The following NEXMIF variants were observed in gnomAD, a reference collection of about 807,000 sequenced individuals.
The protein encoded by NEXMIF is neurite extension and migration factor.
Under a neutral mutation model 62.1 loss-of-function variants are expected in NEXMIF, and 8 were observed. The observed-to-expected ratio is 0.13, with a 90% CI of 0.08 to 0.23. The LOEUF is 0.23. Among genes scored for constraint, NEXMIF ranks in the 10% least tolerant of loss-of-function variants. NEXMIF has a pLI of 1.00. For synonymous variants in NEXMIF, 404 were observed against 416.6 expected, an observed-to-expected ratio of 0.97 and a Z score of 0.37; for missense variants, 976 against 1,113.3, an observed-to-expected ratio of 0.88 and a Z score of 1.75.
Position 74,751,335 on chromosome X carries a change from A to G in NEXMIF, c.-47-5638T>C, listed in dbSNP as rs370954225. 5.4e-4 allele frequency among the ~76,000 whole-genome samples: 60 copies of G among 112,145 alleles called. 3 individuals are homozygous for G. The East Asian group carries it at 8.2e-3, about 15-fold the overall frequency. ...GATCATTAGCTAGGTGTCCTCAGACAAGCTCCCTCCCTTCTCTGGTACTTA... is the reference window on the plus strand; with the variant it reads ...GATCATTAGCTAGGTGTCCTCAGACGAGCTCCCTCCCTTCTCTGGTACTTA... On this transcript the variant is annotated intron_variant, in intron 1 of 3. Transcript: ENST00000055682.
intron 1 of NEXMIF, among the ~76,000 whole-genome samples, chrX:74,901,181 A>G (rs1199747623): frequency 8.9e-6 from 1 of 112,227 alleles, no homozygotes; most frequent in Admixed American, 9.5e-5. Flanking sequence ...ACCACAATAA[A>G]AATAGTAAAA....
At chrX:74,744,599 T>C in intron 2 of NEXMIF, 122 bp from the exon 3 acceptor site, 5 of 418,750 alleles carry the variant, frequency 1.2e-5, no homozygotes, top group Non-Finnish European at 2.0e-5. Flanking sequence ...AGCCTTCACA[T>C]CTCTATCTTT....
chrX:74,855,427 G>C (rs1371690754), intron 1 of NEXMIF, among the ~76,000 whole-genome samples: 1 of 112,123 alleles, frequency 8.9e-6, no homozygotes, highest in Non-Finnish European at 1.9e-5. Context: ...AGTGGCAATT[G>C]TGTATTATCA....
chrX:74,767,407 A>T lies in NEXMIF; in HGVS notation c.-47-21710T>A, dbSNP rs1474212650. ...TCTGGGAGCTCCATCCCAGGTAGGT[A>T]TGGACTTGTTGCTGGCCTGAACACA... On this transcript the variant is annotated intron_variant, in intron 1 of 3. Coordinates refer to ENST00000055682, the MANE Select transcript of NEXMIF (RefSeq NM_001008537.3). Among the ~76,000 whole-genome samples, 7 of 109,742 alleles carry T rather than the reference A, an allele frequency of 6.4e-5. No individual in the cohort carries two copies. The Admixed American group carries it at 6.7e-4, about 11-fold the overall frequency.
chrX:74,839,063 T>C (rs1446026188), intron 1 of NEXMIF, among the ~76,000 whole-genome samples: 1 of 111,907 alleles, frequency 8.9e-6, no homozygotes, highest in Admixed American at 9.5e-5. Flanking sequence ...ATGCATCCCC[T>C]ACCTTGTGAT....
chrX:74,757,294 GT>G, intron 1 of NEXMIF, among the ~76,000 whole-genome samples: 1 of 112,090 alleles, frequency 8.9e-6, no homozygotes, highest in Non-Finnish European at 1.9e-5. Context: ...AGACAGCACT[GT>G]TATTCTTGTT....
chrX:74,884,422 A>G (rs2080681438), intron 1 of NEXMIF, among the ~76,000 whole-genome samples: 1 of 111,698 alleles, frequency 9.0e-6, no homozygotes, highest in Non-Finnish European at 1.9e-5. Context: ...AGAGACACAC[A>G]TAGGCTCAAA....
intron 1 of NEXMIF, among the ~76,000 whole-genome samples, chrX:74,878,124 C>G (rs1289637245): frequency 1.8e-5 from 2 of 111,199 alleles, no homozygotes; most frequent in East Asian, 5.7e-4. Context: ...GTGGTTTTAT[C>G]TACTTTTGGT....
Position 74,866,071 on chromosome X carries a change from G to A in NEXMIF, c.-48+58812C>T, listed in dbSNP as rs185199148. 4.3e-3 allele frequency among the ~76,000 whole-genome samples: 481 copies of A among 111,401 alleles called. 3 individuals carry two copies. The highest frequency in any genetic ancestry group is 6.9e-3 in the Non-Finnish European group (367 of 53,077). On this transcript the variant is annotated intron_variant, in intron 1 of 3. Coordinates refer to ENST00000055682, the MANE Select transcript of NEXMIF (RefSeq NM_001008537.3). Reference sequence around the variant, plus strand: ...CAGAACCCAGAATGGTAGATCTGCCGACAGCTTGCACCATGTTCCCGGAAA... The same window carrying A: ...CAGAACCCAGAATGGTAGATCTGCCAACAGCTTGCACCATGTTCCCGGAAA...
At chrX:74,847,846 T>A (rs1226460754) in intron 1 of NEXMIF, among the ~76,000 whole-genome samples, 1 of 111,326 alleles carries the variant, frequency 9.0e-6, no homozygotes, top group African/African-American at 3.3e-5. Flanking sequence ...TTTGAGTACA[T>A]ACTATGTCAG....
At chrX:74,918,196 T>C (rs2080814379) in intron 1 of NEXMIF, among the ~76,000 whole-genome samples, 1 of 111,931 alleles carries the variant, frequency 8.9e-6, no homozygotes, top group Admixed American at 9.5e-5. Flanking sequence ...CTGGACTTCC[T>C]GAAAATGTAT....
chrX:74,876,102 T>C (rs1185063586), intron 1 of NEXMIF, among the ~76,000 whole-genome samples: 7 of 111,736 alleles, frequency 6.3e-5, no homozygotes, highest in Non-Finnish European at 1.3e-4. Flanking sequence ...ATTTTGGATC[T>C]TTCCTGCTTT....
At chrX:74,803,273 T>C (rs1056637322) in intron 1 of NEXMIF, among the ~76,000 whole-genome samples, 2 of 111,860 alleles carry the variant, frequency 1.8e-5, no homozygotes. Context: ...ATAATCAAAC[T>C]GTGGGCCGGG....
At chrX:74,794,661 C>T (rs1056482208) in intron 1 of NEXMIF, among the ~76,000 whole-genome samples, 4 of 112,057 alleles carry the variant, frequency 3.6e-5, no homozygotes, top group Non-Finnish European at 7.5e-5. Context: ...AAGCCAGGTG[C>T]GGGATATAAT....
intron 1 of NEXMIF, among the ~76,000 whole-genome samples, chrX:74,880,149 C>T (rs2080657019): frequency 1.8e-5 from 2 of 112,081 alleles, no homozygotes; most frequent in Non-Finnish European, 3.8e-5. Context: ...ATGTAAGTCA[C>T]TCTATAATTA....
At chrX:74,834,229 CTCTT>C (rs2080448730) in intron 1 of NEXMIF, among the ~76,000 whole-genome samples, 1 of 109,509 alleles carries the variant, frequency 9.1e-6, no homozygotes, top group African/African-American at 3.3e-5. Context: ...TTTGTTGTTT[CTCTT>C]TGTGTCTTGT....
At chrX:74,802,731 A>G (rs1445564344) in intron 1 of NEXMIF, among the ~76,000 whole-genome samples, 1 of 111,324 alleles carries the variant, frequency 9.0e-6, no homozygotes, top group Non-Finnish European at 1.9e-5. Context: ...CCGGGGACCA[A>G]TGCTGGAGCA....
intron 1 of NEXMIF, among the ~76,000 whole-genome samples, chrX:74,916,219 A>G (rs1343872477): frequency 8.9e-6 from 1 of 112,112 alleles, no homozygotes; most frequent in Non-Finnish European, 1.9e-5. Context: ...TCACAGGGAA[A>G]CAATCACATT....
intron 1 of NEXMIF, among the ~76,000 whole-genome samples, chrX:74,876,006 C>T (rs945741157): frequency 1.8e-5 from 2 of 111,010 alleles, no homozygotes; most frequent in African/African-American, 6.6e-5. Flanking sequence ...CAGTTCTGCT[C>T]TGATTTTCAT....
Sources: allele counts gnomAD v4.1 joint callset (sites outside exome capture counted in the v4.1 genomes callset), GRCh38; gene constraint gnomAD v4.1.1; transcripts MANE v1.5; gene names NCBI Gene and HGNC (gene_info 2026-07-23, HGNC 2026-07-21).